Variants in ARHGAP6 observed in about 807,000 individuals in gnomAD.
ARHGAP6 encodes rho GTPase-activating protein 6.
Under a neutral mutation model 55.7 loss-of-function variants are expected in ARHGAP6, and 16 were observed. The ratio of observed to expected loss-of-function variants is 0.29; its 90% confidence interval spans 0.19 to 0.44. The LOEUF (loss-of-function observed/expected upper bound fraction) is 0.44. Among genes scored for constraint, ARHGAP6 ranks in the 20% least tolerant of loss-of-function variants. ARHGAP6 has a pLI of 1.00. For synonymous variants in ARHGAP6, 382 were observed against 360.9 expected, an observed-to-expected ratio of 1.06 and a Z score of -0.66; for missense variants, 698 against 808.9, an observed-to-expected ratio of 0.86 and a Z score of 1.66.
intron 1 of ARHGAP6, among the ~76,000 whole-genome samples, chrX:11,391,512 T>C (rs1473390218): frequency 9.0e-6 from 1 of 110,712 alleles, no homozygotes; most frequent in Non-Finnish European, 1.9e-5. Flanking sequence ...CTTTAAAACA[T>C]AACTGGTACT....
chrX:11,659,850 T>C (rs7053075), intron 1 of ARHGAP6, among the ~76,000 whole-genome samples: 1,463 of 111,939 alleles, frequency 0.013, 23 homozygotes, highest in African/African-American at 0.044. Context: ...GTGAAACCTG[T>C]TGGGATTTCT....
chrX:11,178,704 C>A (rs942058263), intron 7 of ARHGAP6, among the ~76,000 whole-genome samples: 1 of 112,163 alleles, frequency 8.9e-6, no homozygotes, highest in African/African-American at 3.2e-5. Context: ...TTGGCAATAA[C>A]CAAGATACAG....
intron 10 of ARHGAP6, among the ~76,000 whole-genome samples, chrX:11,154,649 G>A (rs887464106): frequency 8.9e-6 from 1 of 111,992 alleles, no homozygotes; most frequent in African/African-American, 3.2e-5. Flanking sequence ...GTTTAAATGA[G>A]GGGCTCATAA....
intron 1 of ARHGAP6, among the ~76,000 whole-genome samples, chrX:11,413,512 T>C (rs2049711956): frequency 8.9e-6 from 1 of 112,271 alleles, no homozygotes; most frequent in African/African-American, 3.2e-5. Flanking sequence ...CCAGCTCTTG[T>C]GGCTGAGCGC....
chrX:11,361,610 T>C (rs2049012559), intron 1 of ARHGAP6, among the ~76,000 whole-genome samples: 2 of 109,438 alleles, frequency 1.8e-5, no homozygotes, highest in Admixed American at 1.9e-4. Context: ...ACTTCATGTC[T>C]AAAACACCAA....
At chrX:11,148,688 C>A (rs1022499482) in intron 10 of ARHGAP6, 4 of 373,291 alleles carry the variant, frequency 1.1e-5, no homozygotes, top group Non-Finnish European at 2.1e-5. Flanking sequence ...TGTGGGCAGG[C>A]CTGCACTGCA....
At chrX:11,209,918 T>G (rs1207761925) in intron 2 of ARHGAP6, among the ~76,000 whole-genome samples, 2 of 112,216 alleles carry the variant, frequency 1.8e-5, no homozygotes, top group Non-Finnish European at 3.8e-5. Flanking sequence ...CCAGTTGACT[T>G]TTTTTGAAGA....
intron 2 of ARHGAP6, among the ~76,000 whole-genome samples, chrX:11,209,388 G>C (rs1006048853): frequency 8.9e-6 from 1 of 111,819 alleles, no homozygotes; most frequent in African/African-American, 3.3e-5. Flanking sequence ...CAAATGATCT[G>C]CCTGTCTCAG....
At chrX:11,246,564 C>T (rs746964405) in intron 2 of ARHGAP6, among the ~76,000 whole-genome samples, 3 of 112,075 alleles carry the variant, frequency 2.7e-5, no homozygotes, top group South Asian at 7.5e-4. Context: ...TTAGGCAGTA[C>T]AGATGATGTT....
chrX:11,516,144 T>C (rs2050837413), intron 1 of ARHGAP6, among the ~76,000 whole-genome samples: 1 of 112,992 alleles, frequency 8.9e-6, no homozygotes, highest in African/African-American at 3.2e-5. Flanking sequence ...TCTGATCTAA[T>C]ACTTGTCAGT....
intron 10 of ARHGAP6, among the ~76,000 whole-genome samples, chrX:11,150,754 A>G (rs991860081): frequency 2.7e-5 from 3 of 111,581 alleles, no homozygotes; most frequent in Admixed American, 9.5e-5. Flanking sequence ...GTGCCACTGC[A>G]CTCCAGCCTG....
chrX:11,212,947 T>C (rs369527552), intron 2 of ARHGAP6, among the ~76,000 whole-genome samples: 37 of 113,048 alleles, frequency 3.3e-4, no homozygotes, highest in African/African-American at 1.1e-3. Context: ...GTCGGCTCAG[T>C]GTGCATGCAG....
intron 1 of ARHGAP6, among the ~76,000 whole-genome samples, chrX:11,466,781 G>A (rs1344845387): frequency 8.9e-6 from 1 of 111,796 alleles, no homozygotes; most frequent in Admixed American, 9.5e-5. Flanking sequence ...TGATATTACA[G>A]GCATGAGCCA....
At chrX:11,521,255 T>C (rs1305607032) in intron 1 of ARHGAP6, among the ~76,000 whole-genome samples, 1 of 112,000 alleles carries the variant, frequency 8.9e-6, no homozygotes, top group African/African-American at 3.2e-5. Flanking sequence ...CTGAATGGTA[T>C]TACCTAGGTT....
At chrX:11,433,428 C>T (rs1175621990) in intron 1 of ARHGAP6, among the ~76,000 whole-genome samples, 2 of 111,656 alleles carry the variant, frequency 1.8e-5, no homozygotes, top group Non-Finnish European at 3.8e-5. Context: ...GGAGGGTATC[C>T]TTAAAAAGTG....
At chrX:11,257,138 A>AT (rs1011371203) in intron 1 of ARHGAP6, among the ~76,000 whole-genome samples, 30 of 111,488 alleles carry the variant, frequency 2.7e-4, no homozygotes, top group Non-Finnish European at 4.1e-4. Flanking sequence ...CTATTGGGGA[A>AT]TTTTTTTTAT....
chrX:11,309,414 G>A (rs906606963), intron 1 of ARHGAP6, among the ~76,000 whole-genome samples: 1 of 109,883 alleles, frequency 9.1e-6, no homozygotes, highest in African/African-American at 3.3e-5. Context: ...CTCCCTGTCT[G>A]GAATGCACAA....
At chrX:11,472,642 A>G (rs2050359656) in intron 1 of ARHGAP6, among the ~76,000 whole-genome samples, 1 of 112,029 alleles carries the variant, frequency 8.9e-6, no homozygotes, top group Non-Finnish European at 1.9e-5. Context: ...TGAAAAGATG[A>G]TTCAGTTGCT....
intron 1 of ARHGAP6, among the ~76,000 whole-genome samples, chrX:11,500,426 CG>C (rs1481857766): frequency 5.4e-5 from 6 of 110,117 alleles, no homozygotes; most frequent in Admixed American, 2.9e-4. Context: ...TTTGTGAGGC[CG>C]AGGTGGGTGG....
Sources: gnomAD v4.1 joint callset for allele counts (sites outside exome capture counted in the v4.1 genomes callset) on GRCh38, gnomAD v4.1.1 for gene constraint, MANE v1.5 for transcripts, NCBI Gene and HGNC (gene_info 2026-07-23, HGNC 2026-07-21) for gene names.